FN3KRP: variants seen among roughly 807,000 people sequenced by gnomAD.
FN3KRP encodes ketosamine-3-kinase.
Under a neutral mutation model 29.8 loss-of-function variants are expected in FN3KRP, and 33 were observed. The observed-to-expected ratio is 1.11, with a 90% CI of 0.84 to 1.48. The LOEUF is 1.48. Among genes scored for constraint, FN3KRP ranks in the 40% most tolerant of loss-of-function variants. FN3KRP has a pLI of 0.00. For synonymous variants in FN3KRP, 157 were observed against 155.2 expected (o/e 1.01, Z -0.09); for missense variants, 430 against 402.6 (o/e 1.07, Z -0.58).
chr17:82,717,244 C>T (rs1568058055), intron 1 of FN3KRP, among the ~76,000 whole-genome samples: 1 of 152,164 alleles, frequency 6.6e-6, no homozygotes. Flanking sequence ...TCCTGCCCTG[C>T]GGTGCTGGTT....
Position 82,726,870 on chromosome 17 carries a change from T to A in FN3KRP, c.629T>A (p.Ile210Asn). The A allele has an allele frequency of 6.4e-7, 1 of 1,570,208 alleles. No homozygotes were observed. The highest frequency in any genetic ancestry group is 8.6e-7 in the Non-Finnish European group (1 of 1,159,152). The change falls in exon 6 of 6, where the codon ATC becomes AAC. Residue 210 changes from isoleucine (I) to asparagine (N), a missense_variant. Ile to Asn is a moderately radical substitution (Grantham distance 149). Coordinates refer to ENST00000269373, the MANE Select transcript of FN3KRP (RefSeq NM_024619.4). ...IPDLFRDLEI[I>N]PALLHGDLWG... is the part of the protein sequence containing the mutation. Reference sequence around the variant, plus strand: ...GACCTGTTCCGTGACCTGGAGATCATCCCAGCCTTACTCCACGGGGACCTC... The same window carrying A: ...GACCTGTTCCGTGACCTGGAGATCAACCCAGCCTTACTCCACGGGGACCTC...
chr17:82,718,699 C>T (rs2143605791), intron 1 of FN3KRP: 1 of 1,248,994 alleles, frequency 8.0e-7, no homozygotes, highest in Non-Finnish European at 1.1e-6. Flanking sequence ...CTGGAAAGCT[C>T]AAGCCCTCTT....
intron 2 of FN3KRP, among the ~76,000 whole-genome samples, chr17:82,719,891 G>A (rs2046786148): frequency 6.6e-6 from 1 of 152,222 alleles, no homozygotes; most frequent in Non-Finnish European, 1.5e-5. Flanking sequence ...CTAGCCGGCT[G>A]TGGTGGCTCA....
intron 4 of FN3KRP, among the ~76,000 whole-genome samples, chr17:82,725,062 C>G (rs1457667706): frequency 1.3e-5 from 2 of 152,006 alleles, no homozygotes; most frequent in African/African-American, 2.4e-5. Context: ...CTGCTTGCCT[C>G]AACCTCCCAA....
intron 4 of FN3KRP, among the ~76,000 whole-genome samples, chr17:82,723,538 T>C (rs2046813876): frequency 6.6e-6 from 1 of 152,134 alleles, no homozygotes; most frequent in African/African-American, 2.4e-5. Context: ...TGTATTTGTG[T>C]GCACGCACGT....
Position 82,716,740 on chromosome 17 carries a change from C to A in FN3KRP, c.-16C>A, listed in dbSNP as rs779800505. The stretch of plus-strand genomic sequence containing the variant: ...CTCCGCCAGATCCGGGGCGGGTCCG[C>A]GGCCGCGGCGGGAACATGGAGGAGC... On this transcript the variant is annotated 5_prime_UTR_variant, in exon 1 of 6. Transcript: ENST00000269373. The A allele has an allele frequency of 5.4e-6, 8 of 1,483,152 alleles. No homozygotes were observed. The highest frequency in any genetic ancestry group is 2.9e-5 in the Admixed American group (1 of 34,088). 91.9% of individuals were successfully genotyped at this position (1,483,152 alleles called of 1,614,324 possible).
At chr17:82,717,701 G>A (rs990845903) in intron 1 of FN3KRP, among the ~76,000 whole-genome samples, 4 of 152,148 alleles carry the variant, frequency 2.6e-5, no homozygotes, top group Non-Finnish European at 5.9e-5. Context: ...CCTGCTGGGT[G>A]ACTGAATGAG....
rs1315647881 is a variant in FN3KRP at position 82,727,168 on chromosome 17, G to T, written c.927G>T (p.Lys309Asn). 7 of 1,612,924 alleles carry T rather than the reference G, an allele frequency of 4.3e-6. No individual in the cohort carries two copies. The highest frequency in any genetic ancestry group is 5.9e-6 in the Non-Finnish European group (7 of 1,179,152). Residue 309 changes from lysine (K) to asparagine (N), a missense_variant, in exon 6 of 6, where the codon AAG becomes AAT. Physicochemically the swap from Lys to Asn is moderately conservative, Grantham distance 94. Transcript: ENST00000269373. Reference sequence around the variant, plus strand: ...TGAACATCATGAGGAATCTGGTCAAGTGAGCGGGCCTTACTCTGGAAGGAG... The same window carrying T: ...TGAACATCATGAGGAATCTGGTCAATTGAGCGGGCCTTACTCTGGAAGGAG... The part of the protein sequence containing the change: ...SSLNIMRNLV[K>N]
chr17:82,719,103 G>A (rs777999730), intron 2 of FN3KRP, 46 bp downstream of exon 2: 4 of 1,527,946 alleles, frequency 2.6e-6, no homozygotes, highest in African/African-American at 3.0e-5. Context: ...ACCTGAGCAG[G>A]TGTGTCTTCA....
Position 82,727,453 on chromosome 17 carries a change from A to G in FN3KRP, c.*282A>G. ...GCCTCACTGCTGCTGCAAGGTGGGG[A>G]AACTGTAAGTGAACCCCTGTGGGTG... On this transcript the variant is annotated 3_prime_UTR_variant, in exon 6 of 6. Coordinates refer to ENST00000269373, the MANE Select transcript of FN3KRP (RefSeq NM_024619.4). 1 of 331,532 alleles carries G rather than the reference A, an allele frequency of 3.0e-6. No homozygotes were observed. Among genetic ancestry groups the G allele is most frequent in the South Asian group, 6.0e-5 (1 of 16,668 alleles). 20.5% of individuals were successfully genotyped at this position (331,532 alleles called of 1,614,324 possible).
In FN3KRP at chr17:82,727,311, AAG is replaced by A; in HGVS notation, c.*143_*144del. On this transcript the variant is annotated 3_prime_UTR_variant, in exon 6 of 6. Transcript: ENST00000269373. ...AAGCCTTGCAAAGTATATAATATCT[AAG>A]AGGAAAGGTTTTGTCATCCCAGCGT... The A allele has an allele frequency of 3.9e-6, 3 of 766,628 alleles. No homozygotes were observed. Among genetic ancestry groups the A allele is most frequent in the Non-Finnish European group, 6.2e-6 (3 of 484,034 alleles). The allele number at this position is 766,628 out of a possible 1,614,324, so 47.5% of individuals were successfully genotyped here. A position where few individuals can be genotyped will look rare whatever the true frequency, so the allele number is the denominator to read the frequency against.
At position 82,719,068 on chromosome 17, in the gene FN3KRP, A is replaced by G; in HGVS notation, c.293+11A>G. ...GAGGCATCTGAGCAGGTGCATCTTC[A>G]CACCACCCCCCACCTGGCTTTATTA... On this transcript the variant is annotated intron_variant, in intron 2 of 5. Transcript: ENST00000269373. 9.8e-7 allele frequency: 1 copy of G among 1,021,830 alleles called. No homozygotes were observed. The highest frequency in any genetic ancestry group is 1.3e-6 in the Non-Finnish European group (1 of 754,272). The allele number at this position is 1,021,830 out of a possible 1,614,324, so 63.3% of individuals were successfully genotyped here. A position where few individuals can be genotyped will look rare whatever the true frequency, so the allele number is the denominator to read the frequency against.
intron 3 of FN3KRP, 65 bp downstream of exon 3, chr17:82,720,428 A>C: frequency 2.2e-6 from 3 of 1,354,534 alleles, no homozygotes; most frequent in Non-Finnish European, 3.1e-6. Context: ...GTGTGGGCTC[A>C]GAGCGGGGGC....
At position 82,722,900 on chromosome 17, in the gene FN3KRP, G is replaced by C. The variant is rs369912926; in HGVS notation, c.468+14G>C. ...TACCTCCCCCAGGTGAGTGCACGGC[G>C]TTTGCTTCTATTTCACAATCAGGTC... On this transcript the variant is annotated intron_variant, in intron 4 of 5. Coordinates refer to ENST00000269373, the MANE Select transcript of FN3KRP (RefSeq NM_024619.4). 1 of 1,610,812 alleles carries C rather than the reference G, an allele frequency of 6.2e-7. No homozygotes were observed. Among genetic ancestry groups the C allele is most frequent in the East Asian group, 2.2e-5 (1 of 44,792 alleles).
At chr17:82,722,547 C>T (rs986106739) in intron 3 of FN3KRP, 5 of 441,880 alleles carry the variant, frequency 1.1e-5, no homozygotes, top group African/African-American at 4.0e-5. Context: ...TGCCCCTGCT[C>T]GGGAGCAGCT....
At position 82,716,713 on chromosome 17, in the gene FN3KRP, G is replaced by T. The variant is rs766531602; in HGVS notation, c.-43G>T. 3.4e-6 allele frequency: 5 copies of T among 1,451,320 alleles called. No individual in the cohort carries two copies. Among genetic ancestry groups the T allele is most frequent in the Non-Finnish European group, 9.0e-7 (1 of 1,108,538 alleles). 89.9% of individuals were successfully genotyped at this position (1,451,320 alleles called of 1,614,324 possible). ...TGCCCGCTCGGCCGCCGTCTCTCGA[G>T]TCTCCGCCAGATCCGGGGCGGGTCC... On this transcript the variant is annotated 5_prime_UTR_variant, in exon 1 of 6. Coordinates refer to ENST00000269373, the MANE Select transcript of FN3KRP (RefSeq NM_024619.4).
chr17:82,726,779 G>T, intron 5 of FN3KRP, 54 bp from the exon 6 acceptor site: 1 of 1,497,512 alleles, frequency 6.7e-7, no homozygotes, highest in Admixed American at 2.3e-5. Flanking sequence ...CTGGAGCGGC[G>T]CCCCTCATGC....
chr17:82,725,213 A>C (rs1385428582), intron 4 of FN3KRP, among the ~76,000 whole-genome samples: 1 of 151,280 alleles, frequency 6.6e-6, no homozygotes, highest in Non-Finnish European at 1.5e-5. Flanking sequence ...CTGCAGCCTC[A>C]AACTTTCTGG....
chr17:82,726,742 G>T, intron 5 of FN3KRP, 91 bp from the exon 6 acceptor site: 3 of 1,491,330 alleles, frequency 2.0e-6, no homozygotes, highest in Middle Eastern at 1.8e-4. Context: ...GCTATCCGCT[G>T]CTGCCTGGGC....
Sources: allele counts gnomAD v4.1 joint callset (sites outside exome capture counted in the v4.1 genomes callset), GRCh38; gene constraint gnomAD v4.1.1; transcripts MANE v1.5; gene names NCBI Gene and HGNC (gene_info 2026-07-23, HGNC 2026-07-21).